RAB6B: variants seen among roughly 807,000 people sequenced by gnomAD.
RAB6B encodes the protein RAB6B, member RAS oncogene family.
A neutral mutation model predicts 31.2 loss-of-function variants in RAB6B; 7 were observed. The ratio of observed to expected loss-of-function variants is 0.22; its 90% CI spans 0.13 to 0.42. RAB6B has a LOEUF of 0.42. Among genes scored for constraint, RAB6B ranks in the 10% least tolerant of loss-of-function variants. The probability of loss-of-function intolerance (pLI) is 1.00; values close to 1 mark genes in which losing one functional copy is unlikely to be tolerated. For missense variants in RAB6B, 149 were observed against 280.6 expected (o/e 0.53, Z 3.35); for synonymous variants, 105 against 104.9 (o/e 1.00, Z -0.01).
intron 7 of RAB6B, 46 bp downstream of exon 7, chr3:133,834,529 T>A (rs759226787): frequency 6.4e-7 from 1 of 1,561,584 alleles, no homozygotes; most frequent in South Asian, 1.1e-5. Context: ...AGTGAATAAA[T>A]GGCTTCTATA....
chr3:133,855,637 A>G (rs1936064424), intron 2 of RAB6B, among the ~76,000 whole-genome samples: 1 of 152,038 alleles, frequency 6.6e-6, no homozygotes, highest in Non-Finnish European at 1.5e-5. Flanking sequence ...CCTCCCCTCA[A>G]CTCTTATAGC....
intron 2 of RAB6B, among the ~76,000 whole-genome samples, chr3:133,857,307 T>C (rs896307162): frequency 6.6e-6 from 1 of 151,458 alleles, no homozygotes; most frequent in African/African-American, 2.4e-5. Context: ...CTAAATTCCA[T>C]CTGAATAATT....
At chr3:133,855,431 A>G (rs558016695) in intron 2 of RAB6B, among the ~76,000 whole-genome samples, 2 of 152,358 alleles carry the variant, frequency 1.3e-5, no homozygotes, top group Admixed American at 6.5e-5. Context: ...TCACCACCCA[A>G]TTTAAATATG....
At chr3:133,839,137 G>A (rs1935783765) in intron 5 of RAB6B, among the ~76,000 whole-genome samples, 1 of 152,238 alleles carries the variant, frequency 6.6e-6, no homozygotes, top group South Asian at 2.1e-4. Flanking sequence ...CACTTCACAG[G>A]CACAGACAGT....
chr3:133,845,475 C>A (rs1193370075), intron 2 of RAB6B, among the ~76,000 whole-genome samples: 1 of 152,168 alleles, frequency 6.6e-6, no homozygotes, highest in Non-Finnish European at 1.5e-5. Flanking sequence ...TCTGCTGGAG[C>A]CTTGATCTTG....
chr3:133,884,286 C>T (rs150603469), intron 1 of RAB6B, among the ~76,000 whole-genome samples: 2 of 152,350 alleles, frequency 1.3e-5, no homozygotes, highest in African/African-American at 2.4e-5. Flanking sequence ...AAACTTAAAG[C>T]AGATCATGAG....
Position 133,886,196 on chromosome 3 carries a change from C to T in RAB6B, c.70+9201G>A, listed in dbSNP as rs545722083. Among the ~76,000 whole-genome samples, 216 of 152,328 alleles carry T rather than the reference C, an allele frequency of 1.4e-3. 1 individual carries two copies. Among genetic ancestry groups the T allele is most frequent in the Middle Eastern group, 0.014 (4 of 294 alleles). On this transcript the variant is annotated intron_variant, in intron 1 of 7. Transcript: ENST00000285208. ...ATGGTCAGGCCCTCTGCCCTCAGTG[C>T]CTCCCCTTCTTTGCTGGTGAGTTCC... is the stretch of plus-strand genomic sequence containing the variant.
At chr3:133,838,036 G>A in intron 6 of RAB6B, 130 bp downstream of exon 6, 1 of 926,258 alleles carries the variant, frequency 1.1e-6, no homozygotes, top group Admixed American at 1.9e-5. Context: ...GCGCATCTAT[G>A]GGTGTTCTGG....
intron 1 of RAB6B, among the ~76,000 whole-genome samples, chr3:133,882,833 G>C (rs1342136192): frequency 1.3e-5 from 2 of 152,234 alleles, no homozygotes; most frequent in Non-Finnish European, 2.9e-5. Context: ...GAAGATGGGT[G>C]AGAGTCAGGG....
intron 1 of RAB6B, among the ~76,000 whole-genome samples, chr3:133,875,895 C>A (rs1292688258): frequency 6.6e-6 from 1 of 152,168 alleles, no homozygotes; most frequent in Non-Finnish European, 1.5e-5. Flanking sequence ...CAGAGGAGAA[C>A]CGAACGCACT....
At chr3:133,839,388 T>C in intron 5 of RAB6B, 118 bp downstream of exon 5, 1 of 865,962 alleles carries the variant, frequency 1.2e-6, no homozygotes, top group Non-Finnish European at 1.9e-6. Context: ...AGGGACCTTT[T>C]CCGGATGCAT....
chr3:133,842,178 G>A (rs1105878), intron 2 of RAB6B, among the ~76,000 whole-genome samples: 38,177 of 152,174 alleles, frequency 0.25, 5,190 homozygotes, highest in Middle Eastern at 0.34. Context: ...TCTCAGGTGC[G>A]GGCACTGCAG....
intron 1 of RAB6B, among the ~76,000 whole-genome samples, chr3:133,877,693 CAG>C (rs1019128721): frequency 1.3e-5 from 2 of 150,970 alleles, no homozygotes; most frequent in African/African-American, 2.4e-5. Context: ...CCCAAACTGA[CAG>C]AGATGTTATA....
At chr3:133,884,999 G>A (rs1377679451) in intron 1 of RAB6B, among the ~76,000 whole-genome samples, 83 of 150,306 alleles carry the variant, frequency 5.5e-4, no homozygotes, top group African/African-American at 1.8e-3. Context: ...AGAGGACGGC[G>A]GGGCTCATAT....
At chr3:133,836,600 C>T (rs893304620) in intron 6 of RAB6B, among the ~76,000 whole-genome samples, 12 of 152,280 alleles carry the variant, frequency 7.9e-5, no homozygotes, top group East Asian at 7.7e-4. Flanking sequence ...CTGACCCTGA[C>T]GGCTGAGGCA....
rs1198066462 is a variant in RAB6B at position 133,860,328 on chromosome 3, G to A, written c.129+4256C>T. The stretch of plus-strand genomic sequence containing the variant: ...CCTCTTAAGAAGAGGTGAGGACACA[G>A]AGAGACAGGAGGCCTGCTGAAGACA... On this transcript the variant is annotated intron_variant, in intron 2 of 7. Transcript: ENST00000285208. 5.9e-5 allele frequency among the ~76,000 whole-genome samples: 9 copies of A among 152,218 alleles called. No homozygotes were observed. In the South Asian group the frequency reaches 1.7e-3, roughly 28 times the overall value.
At chr3:133,840,442 C>G (rs762744707) in intron 4 of RAB6B, among the ~76,000 whole-genome samples, 16 of 152,342 alleles carry the variant, frequency 1.1e-4, no homozygotes, top group Middle Eastern at 6.8e-3. Flanking sequence ...CAGGCCCTTG[C>G]GGGCCCAGCT....
At chr3:133,829,137 G>A (rs1935618821) in intron 7 of RAB6B, among the ~76,000 whole-genome samples, 1 of 152,164 alleles carries the variant, frequency 6.6e-6, no homozygotes, top group Non-Finnish European at 1.5e-5. Flanking sequence ...TTTCCCAGAA[G>A]CCTTCCCTCG....
intron 1 of RAB6B, among the ~76,000 whole-genome samples, chr3:133,891,623 C>A (rs1051457793): frequency 6.6e-6 from 1 of 152,084 alleles, no homozygotes. Flanking sequence ...GGCAGGAATA[C>A]GCTCAAAGAA....
Sources: allele counts gnomAD v4.1 joint callset (sites outside exome capture counted in the v4.1 genomes callset), GRCh38; gene constraint gnomAD v4.1.1; transcripts MANE v1.5; gene names NCBI Gene and HGNC (gene_info 2026-07-23, HGNC 2026-07-21).